GTF2IRD1: variants seen among roughly 807,000 people sequenced by gnomAD.
GTF2IRD1 encodes the protein general transcription factor II-I repeat domain-containing protein 1.
A neutral mutation model predicts 113.2 loss-of-function variants in GTF2IRD1; 26 were observed. That is an observed-to-expected ratio of 0.23 (90% CI 0.17 to 0.32). The LOEUF (loss-of-function observed/expected upper bound fraction) is 0.32. GTF2IRD1 is among the 10% of genes least tolerant of loss of function. The probability of loss-of-function intolerance (pLI) is 1.00; values close to 1 mark genes in which losing one functional copy is unlikely to be tolerated. For synonymous variants in GTF2IRD1, 484 were observed against 529.1 expected, an observed-to-expected ratio of 0.91 and a Z score of 1.17; for missense variants, 864 against 1,280.8, an observed-to-expected ratio of 0.67 and a Z score of 4.97.
intron 22 of GTF2IRD1, among the ~76,000 whole-genome samples, chr7:74,574,428 G>C (rs1026872726): frequency 2.0e-5 from 3 of 150,666 alleles, no homozygotes; most frequent in Non-Finnish European, 4.4e-5. Context: ...ACAGGCGTGA[G>C]CCACTACACC....
chr7:74,493,991 G>C (rs1036705835), intron 1 of GTF2IRD1, among the ~76,000 whole-genome samples: 1 of 152,120 alleles, frequency 6.6e-6, no homozygotes, highest in Non-Finnish European at 1.5e-5. Context: ...CCCCCTCTTG[G>C]GGGGTACAGC....
Position 74,555,935 on chromosome 7 carries a change from T to A in GTF2IRD1, c.2023+441T>A, listed in dbSNP as rs1799565347. ...ACAAGCCTGGACAACATAGAACCCG[T>A]CTCTATGTCTATTTTTAAGAAAAGA... On this transcript the variant is annotated intron_variant, in intron 19 of 26. Transcript: ENST00000424337. This position sits in a 1 kb window ranked among gnomAD's most constrained non-coding sequence, Gnocchi z 5.3. 6.6e-6 allele frequency among the ~76,000 whole-genome samples: 1 copy of A among 152,072 alleles called. No individual in the cohort carries two copies. The highest frequency in any genetic ancestry group is 2.1e-4 in the South Asian group (1 of 4,816).
chr7:74,591,934 T>A (rs1802087913), intron 24 of GTF2IRD1, among the ~76,000 whole-genome samples: 2 of 148,666 alleles, frequency 1.3e-5, no homozygotes, highest in African/African-American at 4.9e-5. Context: ...GTGGCCCAGT[T>A]TTTTTTTTTT....
At chr7:74,550,792 G>A (rs782709050) in intron 17 of GTF2IRD1, among the ~76,000 whole-genome samples, 9 of 151,830 alleles carry the variant, frequency 5.9e-5, no homozygotes, top group African/African-American at 1.5e-4. Flanking sequence ...ACTTTGAGAG[G>A]ACAAAACAGG....
At chr7:74,546,952 T>TG (rs1583852387) in intron 16 of GTF2IRD1, 151 bp from the exon 17 acceptor site, 1 of 699,530 alleles carries the variant, frequency 1.4e-6, no homozygotes, top group Non-Finnish European at 2.4e-6. Context: ...TCCTGCAGGC[T>TG]GGGGGGCCAC....
chr7:74,476,151 C>T (rs1250638564), intron 1 of GTF2IRD1, among the ~76,000 whole-genome samples: 5 of 152,122 alleles, frequency 3.3e-5, no homozygotes, highest in Admixed American at 3.3e-4. Context: ...GTCAACTAAT[C>T]CCGATGCTCT....
chr7:74,571,086 G>A (rs1554362555), intron 22 of GTF2IRD1: 2 of 985,066 alleles, frequency 2.0e-6, no homozygotes, highest in Admixed American at 6.1e-5. Context: ...GGGGACTGTG[G>A]GAAGGCAGCG....
intron 1 of GTF2IRD1, among the ~76,000 whole-genome samples, chr7:74,454,999 G>T (rs1002932219): frequency 1.3e-5 from 2 of 152,146 alleles, no homozygotes; most frequent in Non-Finnish European, 2.9e-5. Flanking sequence ...ACCCTGCCTC[G>T]CCTGGCGTGG....
intron 1 of GTF2IRD1, among the ~76,000 whole-genome samples, chr7:74,477,997 T>C (rs1417299644): frequency 6.6e-6 from 1 of 152,122 alleles, no homozygotes; most frequent in Non-Finnish European, 1.5e-5. Context: ...CCAGAGCTGG[T>C]TTCCTCCCAC....
At chr7:74,502,750 C>T (rs79850593) in intron 1 of GTF2IRD1, among the ~76,000 whole-genome samples, 2 of 152,302 alleles carry the variant, frequency 1.3e-5, no homozygotes, top group East Asian at 1.9e-4. Flanking sequence ...CCTGGCAAGA[C>T]GGGGCAGGTG....
chr7:74,559,263 A>T (rs1286838796), intron 21 of GTF2IRD1, among the ~76,000 whole-genome samples: 3 of 152,136 alleles, frequency 2.0e-5, no homozygotes, highest in Non-Finnish European at 4.4e-5. Context: ...CCCCATGGCA[A>T]GGGCAGCCTT....
intron 4 of GTF2IRD1, 120 bp from the exon 5 acceptor site, chr7:74,518,019 A>G (rs587649177): frequency 3.4e-4 from 211 of 621,024 alleles, no homozygotes; most frequent in Non-Finnish European, 3.3e-4. Context: ...TGAGGGGTCC[A>G]TGGGAACCCC....
chr7:74,590,751 C>T, intron 23 of GTF2IRD1, 74 bp from the exon 24 acceptor site: 1 of 1,052,578 alleles, frequency 9.5e-7, no homozygotes, highest in Non-Finnish European at 1.4e-6. Context: ...AGCCCAGACT[C>T]CAGCCCTTTC....
chr7:74,574,946 CCAGCATCATGA>C (rs1196828967), intron 22 of GTF2IRD1, among the ~76,000 whole-genome samples: 2 of 151,888 alleles, frequency 1.3e-5, no homozygotes, highest in Non-Finnish European at 2.9e-5. Context: ...AAAAATTAGC[CCAGCATCATGA>C]CACACACCTA....
chr7:74,523,278 C>CT (rs782702353), intron 7 of GTF2IRD1, among the ~76,000 whole-genome samples: 94 of 152,092 alleles, frequency 6.2e-4, no homozygotes, highest in Admixed American at 2.6e-3. Flanking sequence ...GTCATCCCAG[C>CT]TGCCTGGGGG....
intron 14 of GTF2IRD1, among the ~76,000 whole-genome samples, chr7:74,544,534 G>A (rs1554352605): frequency 6.6e-6 from 1 of 152,200 alleles, no homozygotes; most frequent in East Asian, 1.9e-4. Flanking sequence ...GAACAGACTA[G>A]CTTGGGAGGT....
intron 1 of GTF2IRD1, among the ~76,000 whole-genome samples, chr7:74,485,826 T>C (rs2117164420): frequency 6.6e-6 from 1 of 152,068 alleles, no homozygotes; most frequent in South Asian, 2.1e-4. Flanking sequence ...CTCGTGAGCC[T>C]GAGGCAGGAG....
intron 4 of GTF2IRD1, among the ~76,000 whole-genome samples, chr7:74,517,471 T>C (rs797035751): frequency 1.0e-4 from 15 of 143,180 alleles, no homozygotes; most frequent in African/African-American, 3.7e-4. Context: ...CTCGTTCTGT[T>C]ACCCAGGCTG....
rs74866218 is a variant in GTF2IRD1, at chr7:74,538,654, C to A, written c.1448-26C>A. 5,997 of 1,380,344 alleles carry A rather than the reference C, an allele frequency of 4.3e-3. 93 individuals carry two copies. Among genetic ancestry groups the A allele is most frequent in the East Asian group, 0.04 (1,735 of 43,856 alleles). The allele number at this position is 1,380,344 out of a possible 1,614,324, so 85.5% of individuals were successfully genotyped here. A position where few individuals can be genotyped will look rare whatever the true frequency, so the allele number is the denominator to read the frequency against. On this transcript the variant is annotated intron_variant, in intron 12 of 26. Coordinates refer to ENST00000424337, the MANE Select transcript of GTF2IRD1 (RefSeq NM_005685.4). ...CCAGTCGGGATCATGCCAGACTTGA[C>A]AGGATTCTTCCTTTCCTCCTTGCAG...
Sources: gnomAD v4.1 joint callset for allele counts (sites outside exome capture counted in the v4.1 genomes callset) on GRCh38, gnomAD v4.1.1 for gene constraint, Gnocchi (gnomAD v3.1) non-coding constraint, MANE v1.5 for transcripts, NCBI Gene and HGNC (gene_info 2026-07-23, HGNC 2026-07-21) for gene names.